The following AOPEP variants were observed in gnomAD, a reference collection of about 807,000 sequenced individuals.
AOPEP encodes aminopeptidase O.
Under a neutral mutation model 98.1 loss-of-function variants are expected in AOPEP, and 77 were observed. That is an observed-to-expected ratio of 0.78 (90% confidence interval 0.65 to 0.95). AOPEP has a LOEUF of 0.95. Ranked by LOEUF, AOPEP falls within the 40% of genes least tolerant of loss-of-function variation. The probability of loss-of-function intolerance (pLI) is 0.00; values close to 1 mark genes in which losing one functional copy is unlikely to be tolerated. For synonymous variants in AOPEP, 346 were observed against 365.3 expected (o/e 0.95, Z 0.60); for missense variants, 1,024 against 1,024.7 (o/e 1.00, Z 0.01).
chr9:94,928,848 C>T (rs1223829491), intron 7 of AOPEP: 4 of 262,534 alleles, frequency 1.5e-5, no homozygotes, highest in Non-Finnish European at 2.9e-5. Context: ...GTTTGGCAGC[C>T]TGGCAGACAG....
At chr9:94,904,531 G>T (rs1249843618) in intron 5 of AOPEP, 1 of 152,060 alleles carries the variant, frequency 6.6e-6, no homozygotes, top group Non-Finnish European at 1.5e-5. Flanking sequence ...ATCTGTTTTT[G>T]AAAATCATGA....
chr9:95,008,106 T>C (rs1434933069), intron 13 of AOPEP, among the ~76,000 whole-genome samples: 6 of 152,238 alleles, frequency 3.9e-5, no homozygotes, highest in Non-Finnish European at 8.8e-5. Flanking sequence ...AAATGAATCT[T>C]AGTCATTTCT....
At chr9:94,841,651 C>T (rs960444529) in intron 5 of AOPEP, among the ~76,000 whole-genome samples, 1 of 152,112 alleles carries the variant, frequency 6.6e-6, no homozygotes, top group Non-Finnish European at 1.5e-5. Flanking sequence ...TCACTTACGT[C>T]AAAGGACACT....
At chr9:94,995,572 G>A (rs983250141) in intron 11 of AOPEP, among the ~76,000 whole-genome samples, 1 of 152,100 alleles carries the variant, frequency 6.6e-6, no homozygotes, top group African/African-American at 2.4e-5. Context: ...CAGCATATTT[G>A]GTTGTCCCTT....
chr9:94,746,543 C>T (rs113205520), intron 1 of AOPEP, among the ~76,000 whole-genome samples: 34 of 152,296 alleles, frequency 2.2e-4, no homozygotes, highest in African/African-American at 7.0e-4. Flanking sequence ...TTAAGTGGTA[C>T]GCTTCAGAAA....
At chr9:94,769,788 G>A (rs1320768800) in intron 2 of AOPEP, among the ~76,000 whole-genome samples, 1 of 152,198 alleles carries the variant, frequency 6.6e-6, no homozygotes. Context: ...TGACCCCCTT[G>A]ATGGAAGAGG....
chr9:94,955,594 C>T (rs1319964983), intron 8 of AOPEP, among the ~76,000 whole-genome samples: 1 of 152,178 alleles, frequency 6.6e-6, no homozygotes, highest in East Asian at 1.9e-4. Flanking sequence ...TGTTTTCTGT[C>T]GTGAAGGCCT....
intron 5 of AOPEP, among the ~76,000 whole-genome samples, chr9:94,921,536 T>G (rs2053621676): frequency 6.6e-6 from 1 of 152,244 alleles, no homozygotes; most frequent in South Asian, 2.1e-4. Flanking sequence ...GTTCAGACAT[T>G]TAGTGCCCAA....
At chr9:95,027,903 C>T (rs553610535) in intron 13 of AOPEP, among the ~76,000 whole-genome samples, 3 of 152,260 alleles carry the variant, frequency 2.0e-5, no homozygotes, top group South Asian at 4.1e-4. Flanking sequence ...CTAAATAAGT[C>T]GTATCATCAG....
chr9:94,995,203 C>T (rs1177718993), intron 11 of AOPEP, among the ~76,000 whole-genome samples: 1 of 152,070 alleles, frequency 6.6e-6, no homozygotes, highest in Non-Finnish European at 1.5e-5. Context: ...GCTTGTCAGG[C>T]CAGGCTTTTT....
At chr9:94,908,227 C>T (rs2051457101) in intron 5 of AOPEP, among the ~76,000 whole-genome samples, 1 of 152,194 alleles carries the variant, frequency 6.6e-6, no homozygotes, top group African/African-American at 2.4e-5. Flanking sequence ...TTTAAAAACA[C>T]ACCTTGGTGT....
intron 13 of AOPEP, among the ~76,000 whole-genome samples, chr9:95,011,761 G>A (rs1292373146): frequency 1.3e-5 from 2 of 152,030 alleles, no homozygotes; most frequent in African/African-American, 4.8e-5. Context: ...ATAGTGAGCT[G>A]TAATCCTGCC....
chr9:94,862,954 C>T (rs937542272), intron 5 of AOPEP, among the ~76,000 whole-genome samples: 1 of 152,086 alleles, frequency 6.6e-6, no homozygotes, highest in East Asian at 1.9e-4. Context: ...GTGTGTTCGT[C>T]GAGTAATAGG....
intron 5 of AOPEP, among the ~76,000 whole-genome samples, chr9:94,839,385 A>C (rs1405875086): frequency 6.6e-6 from 1 of 151,868 alleles, no homozygotes; most frequent in Non-Finnish European, 1.5e-5. Flanking sequence ...CAACCCGCCC[A>C]GCCTAATTTT....
the AOPEP span, chr9:95,107,575 T>C: frequency 8.3e-6 from 4 of 484,610 alleles, no homozygotes; most frequent in Admixed American, 3.4e-5. Context: ...GATTTTTATA[T>C]TGTGGGAAAA....
rs1180597433 is a variant in AOPEP at position 94,972,423 on chromosome 9, G to A, written c.1916+4622G>A. On this transcript the variant is annotated intron_variant, in intron 10 of 16. Transcript: ENST00000375315. The surrounding 1 kb of genome is among the most constrained non-coding windows in gnomAD (Gnocchi z 4.2). ...TCTCTCCTGGTGAAAGAGCCCCGTGGAACGCCTTATGCCAGTGTCCTTGCT... is the reference window on the plus strand; with the variant it reads ...TCTCTCCTGGTGAAAGAGCCCCGTGAAACGCCTTATGCCAGTGTCCTTGCT... Among the ~76,000 whole-genome samples, 1 of 152,162 alleles carries A rather than the reference G, an allele frequency of 6.6e-6. No homozygotes were observed. Among genetic ancestry groups the A allele is most frequent in the Non-Finnish European group, 1.5e-5 (1 of 68,040 alleles).
At position 95,053,980 on chromosome 9, in the gene AOPEP, G is replaced by T. The variant is rs954350235; in HGVS notation, c.2116-6714G>T. On this transcript the variant is annotated intron_variant, in intron 13 of 16. Transcript: ENST00000375315. The stretch of plus-strand genomic sequence containing the variant: ...TTCTCCTGTCTAGACCTCCCAGAGT[G>T]CTGGGATTACAGGTGTGAGCTACCA... 2.0e-5 allele frequency among the ~76,000 whole-genome samples: 3 copies of T among 152,138 alleles called. No homozygotes were observed. The South Asian group carries it at 6.2e-4, about 32-fold the overall frequency.
the AOPEP span, among the ~76,000 whole-genome samples, chr9:95,119,908 T>C: frequency 6.6e-6 from 1 of 152,170 alleles, no homozygotes; most frequent in Non-Finnish European, 1.5e-5. Flanking sequence ...AAAGGGGTCT[T>C]ACTTTGTTGC....
chr9:95,011,883 G>A (rs191936461), intron 13 of AOPEP, among the ~76,000 whole-genome samples: 5 of 152,130 alleles, frequency 3.3e-5, no homozygotes, highest in South Asian at 2.1e-4. Context: ...ATTCCTTCCC[G>A]TTTTTAACTA....
Sources: gnomAD v4.1 joint callset for allele counts (sites outside exome capture counted in the v4.1 genomes callset) on GRCh38, gnomAD v4.1.1 for gene constraint, Gnocchi (gnomAD v3.1) non-coding constraint, MANE v1.5 for transcripts, NCBI Gene and HGNC (gene_info 2026-07-23, HGNC 2026-07-21) for gene names.